Variants in MEIS1 observed in about 807,000 individuals in gnomAD.
MEIS1 encodes the protein Meis homeobox 1.
A neutral mutation model predicts 50.8 loss-of-function variants in MEIS1; 5 were observed. The observed-to-expected ratio is 0.10, with a 90% CI of 0.05 to 0.21. MEIS1 has a LOEUF of 0.21. Among genes scored for constraint, MEIS1 ranks in the 10% least tolerant of loss-of-function variants. The pLI is 1.00. For synonymous variants in MEIS1, 176 were observed against 179.3 expected (o/e 0.98, Z 0.15); for missense variants, 318 against 517.3 (o/e 0.61, Z 3.74).
intron 8 of MEIS1, among the ~76,000 whole-genome samples, chr2:66,533,121 G>T (rs1379147702): frequency 6.6e-6 from 1 of 152,110 alleles, no homozygotes; most frequent in Non-Finnish European, 1.5e-5. Flanking sequence ...TATCCTAGCT[G>T]GAGCTCAGGC....
At chr2:66,561,481 G>A (rs1403322609) in intron 9 of MEIS1, among the ~76,000 whole-genome samples, 1 of 152,070 alleles carries the variant, frequency 6.6e-6, no homozygotes, top group Non-Finnish European at 1.5e-5. Context: ...ATCTGTGCAT[G>A]TTTATTTTCT....
At chr2:66,463,291 T>C (rs1672562029) in intron 6 of MEIS1, among the ~76,000 whole-genome samples, 1 of 152,014 alleles carries the variant, frequency 6.6e-6, no homozygotes, top group Non-Finnish European at 1.5e-5. Flanking sequence ...TCATTCCTAC[T>C]GTGCAGGATG....
intron 6 of MEIS1, among the ~76,000 whole-genome samples, chr2:66,460,335 A>G (rs776764203): frequency 1.3e-5 from 2 of 152,302 alleles, no homozygotes; most frequent in Middle Eastern, 3.4e-3. Context: ...ACCAGATGCC[A>G]GTAAGATTGC....
chr2:66,487,454 A>G (rs1319425539), intron 7 of MEIS1, among the ~76,000 whole-genome samples: 1 of 152,182 alleles, frequency 6.6e-6, no homozygotes, highest in Non-Finnish European at 1.5e-5. Context: ...GGAGATAGAT[A>G]TTTCAGCTAT....
intron 7 of MEIS1, among the ~76,000 whole-genome samples, chr2:66,495,857 C>G (rs1673389467): frequency 6.6e-6 from 1 of 152,138 alleles, no homozygotes. Flanking sequence ...GATCTAGCAC[C>G]CAAAGAGTGT....
intron 6 of MEIS1, among the ~76,000 whole-genome samples, chr2:66,458,534 C>T (rs1461319118): frequency 6.6e-6 from 1 of 152,158 alleles, no homozygotes; most frequent in Non-Finnish European, 1.5e-5. Context: ...ACTATAGAAG[C>T]TGCCATTTAT....
At chr2:66,552,056 C>CAA (rs1674935036) in intron 9 of MEIS1, among the ~76,000 whole-genome samples, 1 of 151,770 alleles carries the variant, frequency 6.6e-6, no homozygotes, top group South Asian at 2.1e-4. Flanking sequence ...CACACACACA[C>CAA]AATCAATACT....
chr2:66,443,548 A>T (rs1672052349), intron 6 of MEIS1: 1 of 157,638 alleles, frequency 6.3e-6, no homozygotes, highest in East Asian at 1.9e-4. Flanking sequence ...ACGGTTCATT[A>T]GCCTGTCTTG....
intron 8 of MEIS1, among the ~76,000 whole-genome samples, chr2:66,522,716 C>T (rs1470435672): frequency 1.3e-5 from 2 of 152,080 alleles, no homozygotes; most frequent in Non-Finnish European, 2.9e-5. Context: ...CTGACTGTTG[C>T]CATGCATATG....
At chr2:66,526,816 C>G (rs1397810258) in intron 8 of MEIS1, among the ~76,000 whole-genome samples, 4 of 152,168 alleles carry the variant, frequency 2.6e-5, no homozygotes, top group Non-Finnish European at 5.9e-5. Flanking sequence ...GACTGAAGTA[C>G]ATTTGTCGGT....
chr2:66,551,815 T>C (rs559033944), intron 9 of MEIS1, among the ~76,000 whole-genome samples: 4 of 152,192 alleles, frequency 2.6e-5, no homozygotes, highest in Admixed American at 1.3e-4. Flanking sequence ...CTCCCAATTA[T>C]AATTTTATCC....
In MEIS1 at chr2:66,435,731, T is replaced by C. The variant is rs1466965161; in HGVS notation, c.-126T>C. The C allele has an allele frequency of 5.5e-6, 5 of 906,970 alleles. No individual in the cohort carries two copies. Among genetic ancestry groups the C allele is most frequent in the Admixed American group, 6.7e-5 (2 of 30,058 alleles). The allele number at this position is 906,970 out of a possible 1,614,324, so 56.2% of individuals were successfully genotyped here. A position where few individuals can be genotyped will look rare whatever the true frequency, so the allele number is the denominator to read the frequency against. ...TCACGTTGCTGGAGACGTTAAGGGA[T>C]TTTTCGTCGTGCTTTTTTTTTTTTT... is the stretch of plus-strand genomic sequence containing the variant. On this transcript the variant is annotated 5_prime_UTR_variant, in exon 1 of 13. Transcript: ENST00000272369.
intron 8 of MEIS1, 47 bp from the exon 9 acceptor site, chr2:66,547,896 G>A (rs1186825629): frequency 3.1e-6 from 5 of 1,592,466 alleles, no homozygotes; most frequent in Non-Finnish European, 4.3e-6. Flanking sequence ...TTGACAAAAT[G>A]GCTAAATATT....
intron 7 of MEIS1, among the ~76,000 whole-genome samples, chr2:66,506,854 A>G (rs544718799): frequency 6.6e-6 from 1 of 152,316 alleles, no homozygotes; most frequent in African/African-American, 2.4e-5. Context: ...GGTAGTTGTT[A>G]CATTTTTCCT....
At chr2:66,485,205 C>T (rs1394743881) in intron 7 of MEIS1, among the ~76,000 whole-genome samples, 1 of 152,086 alleles carries the variant, frequency 6.6e-6, no homozygotes, top group African/African-American at 2.4e-5. Flanking sequence ...CCCATCAACC[C>T]ATCAACCCAT....
chr2:66,564,378 T>C (rs1675288992), intron 9 of MEIS1, among the ~76,000 whole-genome samples: 2 of 152,152 alleles, frequency 1.3e-5, no homozygotes, highest in South Asian at 4.1e-4. Flanking sequence ...ATTTTTTGTG[T>C]GTATTTGCTT....
intron 7 of MEIS1, among the ~76,000 whole-genome samples, chr2:66,493,440 T>C (rs781256103): frequency 1.1e-4 from 17 of 152,212 alleles, no homozygotes; most frequent in Admixed American, 2.6e-4. Context: ...CTGAGTTGTC[T>C]TAAGGACTGA....
At chr2:66,467,090 C>T (rs575931387) in intron 7 of MEIS1, among the ~76,000 whole-genome samples, 16 of 152,218 alleles carry the variant, frequency 1.1e-4, no homozygotes, top group African/African-American at 3.6e-4. Context: ...TCAACTGAGT[C>T]CTATTCTTTT....
At chr2:66,558,777 G>C (rs1454782214) in intron 9 of MEIS1, among the ~76,000 whole-genome samples, 2 of 152,130 alleles carry the variant, frequency 1.3e-5, no homozygotes, top group Non-Finnish European at 2.9e-5. Flanking sequence ...GAGAACTGAG[G>C]CAACTACAGG....
Sources: allele counts gnomAD v4.1 joint callset (sites outside exome capture counted in the v4.1 genomes callset), GRCh38; gene constraint gnomAD v4.1.1; transcripts MANE v1.5; gene names NCBI Gene and HGNC (gene_info 2026-07-23, HGNC 2026-07-21).